The following CAPN2 variants were observed in gnomAD, a reference collection of about 807,000 sequenced individuals.
CAPN2 encodes calpain-2 catalytic subunit.
In CAPN2, 92 loss-of-function variants were observed where a neutral mutation model predicts 102.3. The observed-to-expected ratio is 0.90, with a 90% CI of 0.76 to 1.07. The LOEUF (loss-of-function observed/expected upper bound fraction) is 1.07. Ranked by LOEUF, CAPN2 falls within the 50% of genes least tolerant of loss-of-function variation. The pLI is 0.00. For missense variants in CAPN2, 800 were observed against 909.4 expected (o/e 0.88, Z 1.55); for synonymous variants, 340 against 355.4 (o/e 0.96, Z 0.49).
rs1456322744 is a variant in CAPN2 at position 223,752,861 on chromosome 1, C to T, written c.1040C>T (p.Thr347Ile). ...GAGATCTGTAACCTGACCCCAGACA[C>T]TCTCACCAGCGATACCTACAAGAAG... ...RLEICNLTPD[T>I]LTSDTYKKWK... The change falls in exon 9 of 21, where the codon ACT (threonine) becomes ATT (isoleucine). Residue 347 changes from threonine to isoleucine, a missense_variant. Thr to Ile is a moderately conservative substitution (Grantham distance 89, BLOSUM62 -1). Transcript: ENST00000295006. The T allele has an allele frequency of 2.5e-6, 4 of 1,614,128 alleles. No individual in the cohort carries two copies. The highest frequency in any genetic ancestry group is 2.7e-5 in the African/African-American group (2 of 75,048).
At chr1:223,715,906 G>T (rs1659862589) in intron 1 of CAPN2, among the ~76,000 whole-genome samples, 1 of 152,158 alleles carries the variant, frequency 6.6e-6, no homozygotes, top group Admixed American at 6.5e-5. Context: ...GCTTGCCAGG[G>T]CATGTTTACA....
In CAPN2 at chr1:223,745,342, G is replaced by A. The variant is rs2102797313; in HGVS notation, c.463G>A (p.Asp155Asn). The A allele has an allele frequency of 6.2e-7, 1 of 1,614,208 alleles. No individual in the cohort carries two copies. The highest frequency in any genetic ancestry group is 1.3e-5 in the African/African-American group (1 of 75,054). ...CGGCGAGTGGGTGGAGGTGGTGGTG[G>A]ATGACAGGCTGCCCACCAAGGACGG... ...QYGEWVEVVVDDRLPTKDGEL... is the reference protein window; with the variant it reads ...QYGEWVEVVVNDRLPTKDGEL... Residue 155 changes from aspartate (D) to asparagine (N), a missense_variant, in exon 4 of 21, where the codon GAT (aspartate) becomes AAT (asparagine). By Grantham distance (23) the Asp-to-Asn change is conservative. Transcript: ENST00000295006.
rs746343540 is a variant in CAPN2, at chr1:223,744,176, C to T, written c.384C>T (p.Asn128=). 5 of 1,613,946 alleles carry T rather than the reference C, an allele frequency of 3.1e-6. No individual in the cohort carries two copies. Among genetic ancestry groups the T allele is most frequent in the African/African-American group, 2.7e-5 (2 of 74,934 alleles). The change falls in exon 3 of 21, where the codon AAC becomes AAT. Residue 128 remains asparagine, a synonymous_variant. Coordinates refer to ENST00000295006, the MANE Select transcript of CAPN2 (RefSeq NM_001748.5). ...TCCTGGCTCGAGTCGTCCCCCTAAA[C>T]CAGAGCTTCCAGGAAAACTATGCAG... ...EEILARVVPL[N]QSFQENYAGI...
intron 1 of CAPN2, among the ~76,000 whole-genome samples, chr1:223,703,672 G>C (rs1025218476): frequency 3.9e-5 from 6 of 152,156 alleles, no homozygotes; most frequent in Admixed American, 6.5e-5. Context: ...TGGGCTGAAG[G>C]CTTTTCTGGA....
Position 223,713,204 on chromosome 1 carries a change from TTTGA to T in CAPN2, c.237+331_237+334del, listed in dbSNP as rs199990601. On this transcript the variant is annotated intron_variant, in intron 1 of 20. Transcript: ENST00000295006. ...GTGATGCAGGAGGCCGGGGTGAAAC[TTTGA>T]TTGGACTCTAGCGGGGAGCTGGAAG... Among the ~76,000 whole-genome samples the T allele has an allele frequency of 8.1e-3, 1,230 of 152,162 alleles. 16 individuals are homozygous for T. Among genetic ancestry groups the T allele is most frequent in the African/African-American group, 0.028 (1,146 of 41,496 alleles).
chr1:223,711,184 T>A (rs1237076937), upstream of CAPN2, among the ~76,000 whole-genome samples: 2 of 151,950 alleles, frequency 1.3e-5, no homozygotes, highest in Non-Finnish European at 2.9e-5. Context: ...TCTCCTGGGG[T>A]GGGTAGGGGA....
intron 18 of CAPN2, chr1:223,771,507 CA>C (rs1388143514): frequency 6.8e-6 from 2 of 293,560 alleles, no homozygotes; most frequent in Non-Finnish European, 1.3e-5. Context: ...AACAAAAAAT[CA>C]AACAGCAGCA....
At position 223,725,382 on chromosome 1, in the gene CAPN2, C is replaced by CAA. The variant is rs1356669739; in HGVS notation, c.307+7563_307+7564dup. On this transcript the variant is annotated intron_variant, in intron 2 of 20. Coordinates refer to ENST00000295006, the MANE Select transcript of CAPN2 (RefSeq NM_001748.5). The surrounding 1 kb of genome is among the most constrained non-coding windows in gnomAD (Gnocchi z 4.1). ...TGGGCAATAGAGCGAGACTTCATCT[C>CAA]AAAAAAAAAAAAATTGTGTCTACCT... Among the ~76,000 whole-genome samples the CAA allele has an allele frequency of 7.4e-6, 1 of 134,398 alleles. No homozygotes were observed. Among genetic ancestry groups the CAA allele is most frequent in the African/African-American group, 2.8e-5 (1 of 36,024 alleles). 88.2% of individuals were successfully genotyped at this position (134,398 alleles called of 152,430 possible).
intron 20 of CAPN2, among the ~76,000 whole-genome samples, 160 bp from the exon 21 acceptor site, chr1:223,774,674 T>C (rs1034965868): frequency 3.3e-5 from 5 of 152,196 alleles, no homozygotes; most frequent in African/African-American, 1.2e-4. Flanking sequence ...AAAGCTAGAC[T>C]CTAGAAATCA....
At position 223,752,780 on chromosome 1, in the gene CAPN2, T is replaced by G; in HGVS notation, c.975-16T>G. Reference sequence around the variant, plus strand: ...GTCTTCTTATCACCTGTGATGATTGTCTCTGCTTTTGCCAGGATGTCTTTC... The same window carrying G: ...GTCTTCTTATCACCTGTGATGATTGGCTCTGCTTTTGCCAGGATGTCTTTC... On this transcript the variant is annotated splice_polypyrimidine_tract_variant and intron_variant, in intron 8 of 20. Transcript: ENST00000295006. The G allele has an allele frequency of 6.2e-7, 1 of 1,613,736 alleles. No homozygotes were observed. The highest frequency in any genetic ancestry group is 8.5e-7 in the Non-Finnish European group (1 of 1,179,728).
At position 223,752,930 on chromosome 1, in the gene CAPN2, C is replaced by T. The variant is rs1277566039; in HGVS notation, c.1109C>T (p.Thr370Ile). Residue 370 changes from threonine to isoleucine, a missense_variant, in exon 9 of 21, where the codon ACC (threonine) becomes ATC (isoleucine). By Grantham distance (89) the Thr-to-Ile change is moderately conservative. Transcript: ENST00000295006. Reference sequence around the variant, plus strand: ...GATGGGAACTGGAGGCGGGGCTCCACCGCGGGAGGTTGCAGGAACTACCCG... The same window carrying T: ...GATGGGAACTGGAGGCGGGGCTCCATCGCGGGAGGTTGCAGGAACTACCCG... Reference protein sequence around the residue: ...KMDGNWRRGSTAGGCRNYPNT... With the variant: ...KMDGNWRRGSIAGGCRNYPNT... 6.2e-7 allele frequency: 1 copy of T among 1,614,122 alleles called. No homozygotes were observed. The highest frequency in any genetic ancestry group is 1.3e-5 in the African/African-American group (1 of 75,026).
chr1:223,702,088 AGGG>A lies in CAPN2; in HGVS notation c.3+258_3+260del, dbSNP rs1659492556. Among the ~76,000 whole-genome samples the A allele has an allele frequency of 4.0e-5, 2 of 49,752 alleles. 1 individual carries two copies. The highest frequency in any genetic ancestry group is 1.1e-4 in the African/African-American group (2 of 17,974). 32.6% of individuals were successfully genotyped at this position (49,752 alleles called of 152,430 possible). A position where few individuals can be genotyped will look rare whatever the true frequency, so the allele number is the denominator to read the frequency against. ...AAGGGAGGGAGGGAGGGAGGGAGGG[AGGG>A]AGGAAAGAAGGAAAGAAGGAAGGAA... On this transcript the variant is annotated intron_variant, in intron 1 of 20. Transcript: ENST00000433674.
rs1342303242 is a variant in CAPN2, at chr1:223,728,005, T to G, written c.307+10174T>G. 4.6e-5 allele frequency among the ~76,000 whole-genome samples: 7 copies of G among 152,274 alleles called. No homozygotes were observed. In the East Asian group the frequency reaches 1.2e-3, roughly 25 times the overall value. ...GCATTTCTCAGTGTTGGCTCCATTC[T>G]CTTGCTGGCACCCCCAGGTGGGAGA... On this transcript the variant is annotated intron_variant, in intron 2 of 20. Coordinates refer to ENST00000295006, the MANE Select transcript of CAPN2 (RefSeq NM_001748.5).
chr1:223,744,191 A>G lies in CAPN2; in HGVS notation c.399A>G (p.Glu133=), dbSNP rs1660691498. Reference sequence around the variant, plus strand: ...TCCCCCTAAACCAGAGCTTCCAGGAAAACTATGCAGGGATCTTTCACTTCC... The same window carrying G: ...TCCCCCTAAACCAGAGCTTCCAGGAGAACTATGCAGGGATCTTTCACTTCC... ...RVVPLNQSFQ[E]NYAGIFHFQF... is the part of the protein sequence containing the mutation. Residue 133 remains glutamate (E), a synonymous_variant, in exon 3 of 21, where the codon GAA becomes GAG. Coordinates refer to ENST00000295006, the MANE Select transcript of CAPN2 (RefSeq NM_001748.5). 6.2e-7 allele frequency: 1 copy of G among 1,613,514 alleles called. No homozygotes were observed. Among genetic ancestry groups the G allele is most frequent in the Middle Eastern group, 1.6e-4 (1 of 6,082 alleles).
At chr1:223,744,567 C>A (rs1166676630) in intron 3 of CAPN2, among the ~76,000 whole-genome samples, 2 of 152,090 alleles carry the variant, frequency 1.3e-5, no homozygotes, top group Non-Finnish European at 2.9e-5. Context: ...AGAAATAATA[C>A]TTGAAAAAGC....
chr1:223,732,770 G>A (rs1353872121), intron 2 of CAPN2, among the ~76,000 whole-genome samples: 1 of 152,062 alleles, frequency 6.6e-6, no homozygotes, highest in East Asian at 1.9e-4. Context: ...CAGAAATAAT[G>A]GTGATTTTCT....
intron 12 of CAPN2, 37 bp from the exon 13 acceptor site, chr1:223,761,544 T>C: frequency 6.3e-7 from 1 of 1,592,452 alleles, no homozygotes; most frequent in Non-Finnish European, 8.6e-7. Flanking sequence ...TGCCCTCGCC[T>C]GCCTTCCAGT....
upstream of CAPN2, chr1:223,712,423 G>A: frequency 1.8e-6 from 2 of 1,086,342 alleles, no homozygotes; most frequent in Non-Finnish European, 2.2e-6. Flanking sequence ...TCGGCAGGCC[G>A]CAGGATGGCC....
chr1:223,728,824 C>T (rs1026609654), intron 2 of CAPN2, among the ~76,000 whole-genome samples: 1 of 151,984 alleles, frequency 6.6e-6, no homozygotes. Flanking sequence ...CACCCCCAAG[C>T]GTTCTGAGAT....
Sources: allele counts gnomAD v4.1 joint callset (sites outside exome capture counted in the v4.1 genomes callset), GRCh38; gene constraint gnomAD v4.1.1; non-coding constraint Gnocchi (gnomAD v3.1); transcripts MANE v1.5; gene names NCBI Gene and HGNC (gene_info 2026-07-23, HGNC 2026-07-21).